Variants in KCNJ3 observed in about 807,000 individuals in gnomAD.
KCNJ3 encodes G protein-activated inward rectifier potassium channel 1.
In KCNJ3, 4 loss-of-function variants were observed where a neutral mutation model predicts 39.2. That is an observed-to-expected ratio of 0.10 (90% CI 0.05 to 0.23). The LOEUF (loss-of-function observed/expected upper bound fraction) is 0.23. Among genes scored for constraint, KCNJ3 ranks in the 10% least tolerant of loss-of-function variants. The pLI, the probability that KCNJ3 is intolerant of heterozygous loss-of-function variation, is 1.00. For synonymous variants in KCNJ3, 230 were observed against 237.4 expected (o/e 0.97, Z 0.29); for missense variants, 276 against 634.9 (o/e 0.43, Z 6.08).
chr2:154,766,910 G>T (rs989291903), intron 2 of KCNJ3, among the ~76,000 whole-genome samples: 3 of 151,982 alleles, frequency 2.0e-5, no homozygotes, highest in African/African-American at 7.3e-5. Context: ...AAACTGTAAT[G>T]CTGAGTAGAT....
At chr2:154,788,516 A>C (rs1686573442) in intron 2 of KCNJ3, among the ~76,000 whole-genome samples, 1 of 152,126 alleles carries the variant, frequency 6.6e-6, no homozygotes, top group Admixed American at 6.6e-5. Context: ...GTGTCTAAAC[A>C]GATGTCTTAT....
chr2:154,770,662 T>G (rs543226013), intron 2 of KCNJ3, among the ~76,000 whole-genome samples: 1 of 152,088 alleles, frequency 6.6e-6, no homozygotes, highest in Non-Finnish European at 1.5e-5. Flanking sequence ...AAGAATAGGT[T>G]AGGAATCATA....
In KCNJ3 at chr2:154,716,276, ATTTTTTTT is replaced by A. The variant is rs535989708; in HGVS notation, c.919+6472_919+6479del. The stretch of plus-strand genomic sequence containing the variant: ...AGGTGCCTGCCACCACGGCCGGCTA[ATTTTTTTT>A]TTTTTTTTTTTTTTGTATTTTTAGT... On this transcript the variant is annotated intron_variant, in intron 2 of 2. Transcript: ENST00000295101. 1.1e-4 allele frequency among the ~76,000 whole-genome samples: 13 copies of A among 115,456 alleles called. No homozygotes were observed. In the South Asian group the frequency reaches 1.9e-3, roughly 17 times the overall value. The allele number at this position is 115,456 out of a possible 152,430, so 75.7% of individuals were successfully genotyped here.
chr2:154,746,650 ATGTGTG>A (rs57739687), intron 2 of KCNJ3, among the ~76,000 whole-genome samples: 46 of 147,370 alleles, frequency 3.1e-4, no homozygotes, highest in African/African-American at 9.1e-4. Flanking sequence ...GTGTATATAT[ATGTGTG>A]TGTGTGTGTG....
chr2:154,845,162 A>G (rs547495035), intron 2 of KCNJ3, among the ~76,000 whole-genome samples: 2 of 152,330 alleles, frequency 1.3e-5, no homozygotes, highest in East Asian at 3.9e-4. Flanking sequence ...TCAGTCTCCC[A>G]GGCTGGAGTG....
At chr2:154,752,904 C>T (rs751338530) in intron 2 of KCNJ3, among the ~76,000 whole-genome samples, 8 of 151,894 alleles carry the variant, frequency 5.3e-5, no homozygotes, top group Non-Finnish European at 1.0e-4. Flanking sequence ...AAAACAATTA[C>T]GTGAAACAAA....
chr2:154,770,179 G>T (rs187692887), intron 2 of KCNJ3, among the ~76,000 whole-genome samples: 1 of 152,124 alleles, frequency 6.6e-6, no homozygotes, highest in Non-Finnish European at 1.5e-5. Flanking sequence ...TTATAATCAT[G>T]AGCTTTACTT....
intron 2 of KCNJ3, among the ~76,000 whole-genome samples, chr2:154,841,035 G>A (rs1383618558): frequency 6.6e-6 from 1 of 152,136 alleles, no homozygotes; most frequent in East Asian, 1.9e-4. Context: ...AATGCTTCCA[G>A]TTTTTGCCCA....
At chr2:154,801,655 G>A (rs1686821589) in intron 2 of KCNJ3, among the ~76,000 whole-genome samples, 1 of 149,248 alleles carries the variant, frequency 6.7e-6, no homozygotes, top group Non-Finnish European at 1.5e-5. Flanking sequence ...TTGATACAGG[G>A]TCTCATTCTG....
chr2:154,740,145 C>T (rs1311769512), intron 2 of KCNJ3, among the ~76,000 whole-genome samples: 2 of 151,948 alleles, frequency 1.3e-5, no homozygotes, highest in Non-Finnish European at 2.9e-5. Context: ...TTTTTGTTAT[C>T]ACATGCTTGT....
intron 2 of KCNJ3, among the ~76,000 whole-genome samples, chr2:154,820,937 T>C (rs1253653263): frequency 6.6e-6 from 1 of 152,234 alleles, no homozygotes; most frequent in Non-Finnish European, 1.5e-5. Context: ...TACCTTCAGC[T>C]GAAACAAGAG....
In KCNJ3 at chr2:154,836,654, G is replaced by A. The variant is rs187101438; in HGVS notation, c.920-18073G>A. On this transcript the variant is annotated intron_variant, in intron 2 of 2. Transcript: ENST00000295101. ...GTGATTATTATTGTGATGCATTTTC[G>A]CAACCAAAATACAAAGCATTCCAAA... Among the ~76,000 whole-genome samples, 962 of 151,828 alleles carry A rather than the reference G, an allele frequency of 6.3e-3. 11 individuals carry two copies. Among genetic ancestry groups the A allele is most frequent in the African/African-American group, 0.022 (897 of 41,382 alleles).
chr2:154,818,664 T>A (rs1414346256), intron 2 of KCNJ3, among the ~76,000 whole-genome samples: 1 of 152,200 alleles, frequency 6.6e-6, no homozygotes, highest in Non-Finnish European at 1.5e-5. Context: ...ACCTCACTAC[T>A]ATGCTGCCAT....
At chr2:154,827,842 G>A (rs1484997482) in intron 2 of KCNJ3, among the ~76,000 whole-genome samples, 1 of 152,098 alleles carries the variant, frequency 6.6e-6, no homozygotes, top group Non-Finnish European at 1.5e-5. Context: ...CTTAGTCATA[G>A]AGTACCTTAT....
At chr2:154,793,395 G>A (rs1216669530) in intron 2 of KCNJ3, among the ~76,000 whole-genome samples, 1 of 151,864 alleles carries the variant, frequency 6.6e-6, no homozygotes, top group African/African-American at 2.4e-5. Flanking sequence ...TCAATTTATG[G>A]TGAAAGCTAG....
Position 154,698,947 on chromosome 2 carries a change from G to T in KCNJ3, c.172G>T (p.Gly58Cys), listed in dbSNP as rs1324602706. The change falls in exon 1 of 3, where the codon GGC becomes TGC. Residue 58 changes from glycine to cysteine, a missense_variant. By Grantham distance (159) the Gly-to-Cys change is radical. Transcript: ENST00000295101. Reference sequence around the variant, plus strand: ...GAACGGCCGGTGCAATGTACAGCACGGCAACCTGGGCAGCGAGACAAGCCG... The same window carrying T: ...GAACGGCCGGTGCAATGTACAGCACTGCAACCTGGGCAGCGAGACAAGCCG... ...DKNGRCNVQH[G>C]NLGSETSRYL... The T allele has an allele frequency of 1.2e-6, 2 of 1,614,010 alleles. No individual in the cohort carries two copies. Among genetic ancestry groups the T allele is most frequent in the African/African-American group, 1.3e-5 (1 of 74,940 alleles).
intron 2 of KCNJ3, among the ~76,000 whole-genome samples, chr2:154,830,788 G>T (rs1687348640): frequency 6.6e-6 from 1 of 152,104 alleles, no homozygotes; most frequent in African/African-American, 2.4e-5. Context: ...TGCTAAGACT[G>T]TTGGCAGGGA....
chr2:154,723,147 T>C (rs923439224), intron 2 of KCNJ3, among the ~76,000 whole-genome samples: 4 of 151,980 alleles, frequency 2.6e-5, no homozygotes, highest in African/African-American at 9.7e-5. Context: ...TAGTGGGATG[T>C]GGTGGCACGT....
chr2:154,799,964 T>C (rs1027195876), intron 2 of KCNJ3, among the ~76,000 whole-genome samples: 1 of 152,140 alleles, frequency 6.6e-6, no homozygotes, highest in Non-Finnish European at 1.5e-5. Flanking sequence ...GGGATCTAGC[T>C]GGAGAGTGGG....
Sources: allele counts gnomAD v4.1 joint callset (sites outside exome capture counted in the v4.1 genomes callset), GRCh38; gene constraint gnomAD v4.1.1; transcripts MANE v1.5; gene names NCBI Gene and HGNC (gene_info 2026-07-23, HGNC 2026-07-21).